The following XPO1 variants were observed in gnomAD, a reference collection of about 807,000 sequenced individuals.
XPO1 encodes the protein exportin 1.
A neutral mutation model predicts 133.3 loss-of-function variants in XPO1; 5 were observed. That is an observed-to-expected ratio of 0.04 (90% CI 0.02 to 0.08). XPO1 has a LOEUF of 0.08. XPO1 is among the 10% of genes least tolerant of loss of function. XPO1 has a pLI of 1.00. For synonymous variants in XPO1, 419 were observed against 408.2 expected (o/e 1.03, Z -0.32); for missense variants, 506 against 1,267.5 (o/e 0.40, Z 9.12).
At chr2:61,509,726 C>T (rs924191947) in intron 4 of XPO1, among the ~76,000 whole-genome samples, 6 of 152,096 alleles carry the variant, frequency 3.9e-5, no homozygotes, top group Non-Finnish European at 8.8e-5. Flanking sequence ...CTGAAAAAGC[C>T]CAAAGTCTGG....
At position 61,485,755 on chromosome 2, in the gene XPO1, A is replaced by G. The variant is rs1387345640; in HGVS notation, c.2508+13T>C. 1.3e-6 allele frequency: 2 copies of G among 1,589,792 alleles called. No individual in the cohort carries two copies. Among genetic ancestry groups the G allele is most frequent in the South Asian group, 1.1e-5 (1 of 88,464 alleles). ...GCAGAATTTCCCCCTTACATAACTG[A>G]AATATTACACACCTTATTTATCATA... On this transcript the variant is annotated intron_variant, in intron 20 of 24. Coordinates refer to ENST00000401558, the MANE Select transcript of XPO1 (RefSeq NM_003400.4).
At chr2:61,489,420 A>AG (rs1696856209) in intron 17 of XPO1, among the ~76,000 whole-genome samples, 2 of 151,678 alleles carry the variant, frequency 1.3e-5, no homozygotes, top group Non-Finnish European at 2.9e-5. Flanking sequence ...TCTCAAAAAA[A>AG]AAAAAAATCC....
At chr2:61,488,540 G>C in intron 18 of XPO1, 48 bp downstream of exon 18, 1 of 1,537,522 alleles carries the variant, frequency 6.5e-7, no homozygotes, top group Non-Finnish European at 8.8e-7. Context: ...CAGTAGAAGA[G>C]AAGTGGTTTG....
At chr2:61,488,370 T>C (rs1696796339) in intron 18 of XPO1, 99 bp from the exon 19 acceptor site, 1 of 1,333,616 alleles carries the variant, frequency 7.5e-7, no homozygotes. Flanking sequence ...CATTAAAAAG[T>C]TTAAAGCCAA....
intron 22 of XPO1, 92 bp downstream of exon 22, chr2:61,482,865 T>G: frequency 6.7e-7 from 1 of 1,496,486 alleles, no homozygotes; most frequent in Non-Finnish European, 9.1e-7. Flanking sequence ...CCTCATAATC[T>G]CCCCGCCTCG....
chr2:61,490,944 C>T (rs556958111), intron 16 of XPO1, among the ~76,000 whole-genome samples, 168 bp from the exon 17 acceptor site: 1 of 152,172 alleles, frequency 6.6e-6, no homozygotes, highest in Non-Finnish European at 1.5e-5. Context: ...CACTTGTGGT[C>T]AGGAGTTGCA....
chr2:61,506,941 TGAA>T lies in XPO1; in HGVS notation c.302-4634_302-4632del, dbSNP rs1382528865. 5.3e-5 allele frequency among the ~76,000 whole-genome samples: 8 copies of T among 151,782 alleles called. No individual in the cohort carries two copies. The East Asian group carries it at 1.6e-3, about 29-fold the overall frequency. The stretch of plus-strand genomic sequence containing the variant: ...TCCTTAAAAAGCTTGATACAAAAGG[TGAA>T]GAAGGCCGGGCGCGGTGGCTCACAC... On this transcript the variant is annotated intron_variant, in intron 4 of 24. Transcript: ENST00000401558.
chr2:61,482,085 C>CT (rs1558626186), intron 23 of XPO1, among the ~76,000 whole-genome samples: 1 of 141,750 alleles, frequency 7.1e-6, no homozygotes, highest in African/African-American at 2.5e-5. Flanking sequence ...GGGTCTCACT[C>CT]TATCACCCAG....
At chr2:61,519,463 C>T (rs966628469) in intron 4 of XPO1, among the ~76,000 whole-genome samples, 2 of 150,808 alleles carry the variant, frequency 1.3e-5, no homozygotes, top group Admixed American at 6.6e-5. Context: ...GCATGGAGGC[C>T]GAGGCGGGAG....
rs1028121021 is a variant in XPO1, at chr2:61,478,041, T to C, written c.*779A>G. On this transcript the variant is annotated 3_prime_UTR_variant, in exon 25 of 25. Transcript: ENST00000401558. ...GTCATCTCAAAAGCCAGAGTTGTTT[T>C]GTTTTTTAATGAGTTGTTAAAAAGA... 8.6e-6 allele frequency: 2 copies of C among 232,724 alleles called. No homozygotes were observed. The highest frequency in any genetic ancestry group is 1.7e-5 in the Non-Finnish European group (2 of 117,408). 14.4% of individuals were successfully genotyped at this position (232,724 alleles called of 1,614,324 possible). A position where few individuals can be genotyped will look rare whatever the true frequency, so the allele number is the denominator to read the frequency against.
At position 61,533,850 on chromosome 2, in the gene XPO1, C is replaced by G. The variant is rs1433802241; in HGVS notation, c.48G>C (p.Leu16=). The change falls in exon 2 of 25, where the codon CTG becomes CTC. Residue 16 remains leucine (L), a synonymous_variant. Transcript: ENST00000401558. ...TATCCAGTTTTTGGCTGAAATCAAG[C>G]AGCTGACGAGCTGCATGGTCTGCTA... ...TMLADHAARQ[L]LDFSQKLDIN... 1 of 1,608,838 alleles carries G rather than the reference C, an allele frequency of 6.2e-7. No individual in the cohort carries two copies. Among genetic ancestry groups the G allele is most frequent in the South Asian group, 1.1e-5 (1 of 89,942 alleles).
In XPO1 at chr2:61,482,403, C is replaced by T. The variant is rs147936719; in HGVS notation, c.2949G>A (p.Lys983=). The T allele has an allele frequency of 5.0e-5, 81 of 1,610,906 alleles. No homozygotes were observed. The highest frequency in any genetic ancestry group is 4.4e-4 in the South Asian group (40 of 90,284). ...FLQEYVANLL[K]SAFPHLQDAQ... is the part of the protein sequence containing the mutation. ...ACTCTTGTAGGTGAGGGAAGGCCGA[C>T]TTAAGGAGATTAGCCACATATTCCT... is the stretch of plus-strand genomic sequence containing the variant. Residue 983 remains lysine (K), a synonymous_variant, in exon 23 of 25, where the codon AAG becomes AAA. Transcript: ENST00000401558.
chr2:61,520,297 T>C (rs946443231), intron 4 of XPO1, among the ~76,000 whole-genome samples: 3 of 152,190 alleles, frequency 2.0e-5, no homozygotes, highest in Admixed American at 1.3e-4. Flanking sequence ...GAAGTTCTAG[T>C]GTATTTTGTG....
At position 61,516,021 on chromosome 2, in the gene XPO1, G is replaced by A. The variant is rs1320628253; in HGVS notation, c.301+6590C>T. The stretch of plus-strand genomic sequence containing the variant: ...GGCACCTGTAGTCCCAGCTACTCAG[G>A]AGGCTGAGGCAGAAGAATGGTGTGA... On this transcript the variant is annotated intron_variant, in intron 4 of 24. Transcript: ENST00000401558. Among the ~76,000 whole-genome samples, 3 of 150,642 alleles carry A rather than the reference G, an allele frequency of 2.0e-5. 1 individual carries two copies. The highest frequency in any genetic ancestry group is 4.4e-5 in the Non-Finnish European group (3 of 67,878).
At chr2:61,483,400 C>G (rs556928200) in intron 21 of XPO1, 1 of 262,622 alleles carries the variant, frequency 3.8e-6, no homozygotes, top group South Asian at 6.1e-5. Flanking sequence ...TAAGACTACA[C>G]ATAAGGTGGA....
intron 4 of XPO1, among the ~76,000 whole-genome samples, chr2:61,508,868 T>A (rs1397969963): frequency 1.3e-5 from 2 of 152,186 alleles, no homozygotes; most frequent in Non-Finnish European, 1.5e-5. Context: ...AAGAGAAAGA[T>A]GCAGTCCTAG....
chr2:61,491,973 T>C (rs1478118837), intron 16 of XPO1, 62 bp downstream of exon 16: 5 of 1,572,036 alleles, frequency 3.2e-6, no homozygotes, highest in Non-Finnish European at 3.5e-6. Flanking sequence ...TTTCCATTGA[T>C]ACATACAGAT....
At chr2:61,484,330 C>T (rs1696562974) in intron 20 of XPO1, 2 of 465,686 alleles carry the variant, frequency 4.3e-6, no homozygotes, top group Non-Finnish European at 7.6e-6. Context: ...AGGAGAAAGA[C>T]AACCTTTTTA....
rs555054313 is a variant in XPO1, at chr2:61,498,620, A to G, written c.759+53T>C. On this transcript the variant is annotated intron_variant, in intron 9 of 24. Transcript: ENST00000401558. ...GCAGAGATGAGAGCTTTACATGTGAAAAGAATATATGTGGCTATCCGGTGA... is the reference window on the plus strand; with the variant it reads ...GCAGAGATGAGAGCTTTACATGTGAGAAGAATATATGTGGCTATCCGGTGA... 8.1e-6 allele frequency: 13 copies of G among 1,596,634 alleles called. No homozygotes were observed. In the East Asian group the frequency reaches 2.7e-4, roughly 33 times the overall value.
Sources: allele counts gnomAD v4.1 joint callset (sites outside exome capture counted in the v4.1 genomes callset), GRCh38; gene constraint gnomAD v4.1.1; transcripts MANE v1.5; gene names NCBI Gene and HGNC (gene_info 2026-07-23, HGNC 2026-07-21).